FSD1L: variants seen among roughly 807,000 people sequenced by gnomAD.
The protein encoded by FSD1L is fibronectin type III and SPRY domain containing 1 like.
A neutral mutation model predicts 71.6 loss-of-function variants in FSD1L; 45 were observed. The observed-to-expected ratio is 0.63, with a 90% confidence interval of 0.49 to 0.81. The LOEUF is 0.81. Among genes scored for constraint, FSD1L ranks in the 30% least tolerant of loss-of-function variants. The probability of loss-of-function intolerance (pLI) is 0.00; values close to 1 mark genes in which losing one functional copy is unlikely to be tolerated. For synonymous variants in FSD1L, 197 were observed against 207.2 expected (o/e 0.95, Z 0.42); for missense variants, 561 against 618.1 (o/e 0.91, Z 0.98).
At chr9:105,522,796 G>T in intron 10 of FSD1L, 1 of 1,613,240 alleles carries the variant, frequency 6.2e-7, no homozygotes, top group Admixed American at 1.7e-5. Flanking sequence ...GAATGACTTC[G>T]AAGTGGTAAT....
chr9:105,475,585 G>A (rs538202342), intron 5 of FSD1L, among the ~76,000 whole-genome samples: 1 of 152,248 alleles, frequency 6.6e-6, no homozygotes, highest in South Asian at 2.1e-4. Flanking sequence ...CAACAAAAGC[G>A]TGAATGTTTC....
chr9:105,498,930 G>C (rs933594219), intron 7 of FSD1L, among the ~76,000 whole-genome samples: 4 of 152,074 alleles, frequency 2.6e-5, no homozygotes, highest in Admixed American at 6.6e-5. Context: ...GAAGTGGGTT[G>C]TTTAATCTCA....
chr9:105,476,645 A>G (rs1049383251), intron 5 of FSD1L, among the ~76,000 whole-genome samples: 6 of 152,208 alleles, frequency 3.9e-5, no homozygotes, highest in African/African-American at 1.2e-4. Context: ...TAGATCTTCT[A>G]TTGAAATCCT....
chr9:105,529,032 T>C (rs1835712663), intron 10 of FSD1L, among the ~76,000 whole-genome samples: 1 of 152,184 alleles, frequency 6.6e-6, no homozygotes, highest in Non-Finnish European at 1.5e-5. Flanking sequence ...TCATCATCAC[T>C]GGTCATTAGA....
Position 105,541,198 on chromosome 9 carries a change from C to T in FSD1L, c.1467+1847C>T, listed in dbSNP as rs188819625. On this transcript the variant is annotated intron_variant, in intron 13 of 13. Transcript: ENST00000481272. The stretch of plus-strand genomic sequence containing the variant: ...AAAACAATGCTAATAACCAGGACAC[C>T]TATTTTTACATTAAAAGTAAGTGAT... Among the ~76,000 whole-genome samples, 189 of 151,950 alleles carry T rather than the reference C, an allele frequency of 1.2e-3. 1 individual carries two copies. In the Middle Eastern group the frequency reaches 0.014, roughly 11 times the overall value.
chr9:105,495,822 A>G (rs1341571406), intron 7 of FSD1L, among the ~76,000 whole-genome samples: 2 of 152,134 alleles, frequency 1.3e-5, no homozygotes, highest in African/African-American at 4.8e-5. Context: ...TAAAAATACA[A>G]AAATTAGCTG....
intron 5 of FSD1L, among the ~76,000 whole-genome samples, 156 bp from the exon 6 acceptor site, chr9:105,479,198 C>A (rs998205464): frequency 6.6e-6 from 1 of 152,142 alleles, no homozygotes; most frequent in Non-Finnish European, 1.5e-5. Flanking sequence ...CTTATGTGAA[C>A]TATACACATA....
chr9:105,542,207 A>AT (rs1438626808), intron 13 of FSD1L, among the ~76,000 whole-genome samples: 4 of 152,070 alleles, frequency 2.6e-5, no homozygotes, highest in Non-Finnish European at 5.9e-5. Flanking sequence ...TGGCTGTACC[A>AT]TTTTTTGCCT....
chr9:105,450,592 G>A (rs1274786432), intron 1 of FSD1L, among the ~76,000 whole-genome samples: 2 of 149,302 alleles, frequency 1.3e-5, no homozygotes, highest in African/African-American at 2.5e-5. Context: ...GGAGTGCAAC[G>A]GTGCAATCTT....
chr9:105,528,893 G>A (rs1191384028), intron 10 of FSD1L, among the ~76,000 whole-genome samples: 1 of 152,074 alleles, frequency 6.6e-6, no homozygotes, highest in African/African-American at 2.4e-5. Flanking sequence ...CTGACAAAGG[G>A]CTAATATCCA....
intron 11 of FSD1L, 73 bp downstream of exon 11, chr9:105,534,666 T>A: frequency 1.2e-6 from 1 of 822,662 alleles, no homozygotes; most frequent in Middle Eastern, 2.2e-4. Context: ...GACTTTCCAC[T>A]CAAAGTGACT....
chr9:105,456,741 G>T (rs1830380737), intron 1 of FSD1L, among the ~76,000 whole-genome samples: 1 of 152,230 alleles, frequency 6.6e-6, no homozygotes. Context: ...GAGATTGCCT[G>T]TGCAGACTTC....
At chr9:105,537,439 AT>A (rs888502368) in intron 12 of FSD1L, among the ~76,000 whole-genome samples, 1 of 150,140 alleles carries the variant, frequency 6.7e-6, no homozygotes, top group African/African-American at 2.5e-5. Context: ...ATTAGCACAC[AT>A]TTTTTTTTCA....
At chr9:105,464,414 G>A in intron 3 of FSD1L, 83 bp downstream of exon 3, 2 of 586,436 alleles carry the variant, frequency 3.4e-6, no homozygotes, top group Non-Finnish European at 5.9e-6. Flanking sequence ...ATGAATTTTG[G>A]GTTATAAACT....
chr9:105,520,441 G>T, intron 10 of FSD1L: 1 of 1,057,478 alleles, frequency 9.5e-7, no homozygotes, highest in Non-Finnish European at 1.5e-6. Flanking sequence ...TGAAAATTTT[G>T]TGACTATCGA....
rs562693491 is a variant in FSD1L at position 105,529,675 on chromosome 9, C to T, written c.1026-4818C>T. Among the ~76,000 whole-genome samples, 4 of 151,596 alleles carry T rather than the reference C, an allele frequency of 2.6e-5. No individual in the cohort carries two copies. In the South Asian group the frequency reaches 6.3e-4, roughly 24 times the overall value. On this transcript the variant is annotated intron_variant, in intron 10 of 13. Coordinates refer to ENST00000481272, the MANE Select transcript of FSD1L (RefSeq NM_001145313.3). ...AGGAGAAATTCCTAAGGTAGGTGAC[C>T]GGTTGATGAGTGCAGCAAACCACCA... is the stretch of plus-strand genomic sequence containing the variant.
chr9:105,498,890 T>TA (rs1833595812), intron 7 of FSD1L, among the ~76,000 whole-genome samples: 1 of 152,164 alleles, frequency 6.6e-6, no homozygotes, highest in Non-Finnish European at 1.5e-5. Context: ...AGTGCAAAGA[T>TA]TACAGGCATG....
Position 105,513,465 on chromosome 9 carries a change from G to A in FSD1L, c.1025+529G>A, listed in dbSNP as rs189993722. ...AGAAGAAATTTTTGCTCAAACTGAA[G>A]ATAAATGCCATTGTGAGTTACAGTA... On this transcript the variant is annotated intron_variant, in intron 10 of 13. Transcript: ENST00000481272. 1.9e-3 allele frequency: 1,104 copies of A among 566,778 alleles called. 3 individuals are homozygous for A. Among genetic ancestry groups the A allele is most frequent in the Admixed American group, 4.1e-3 (113 of 27,786 alleles). 35.1% of individuals were successfully genotyped at this position (566,778 alleles called of 1,614,324 possible).
chr9:105,462,591 T>G (rs1830780528), intron 2 of FSD1L, among the ~76,000 whole-genome samples: 1 of 147,442 alleles, frequency 6.8e-6, no homozygotes, highest in Non-Finnish European at 1.5e-5. Context: ...TGGTGAGATC[T>G]CGGCTCACTG....
Sources: allele counts gnomAD v4.1 joint callset (sites outside exome capture counted in the v4.1 genomes callset), GRCh38; gene constraint gnomAD v4.1.1; transcripts MANE v1.5; gene names NCBI Gene and HGNC (gene_info 2026-07-23, HGNC 2026-07-21).